RAP1GAP2: variants seen among roughly 807,000 people sequenced by gnomAD.
The protein encoded by RAP1GAP2 is RAP1 GTPase activating protein 2.
Under a neutral mutation model 95.0 loss-of-function variants are expected in RAP1GAP2, and 27 were observed. That is an observed-to-expected ratio of 0.28 (90% confidence interval 0.21 to 0.39). The LOEUF (loss-of-function observed/expected upper bound fraction) is 0.39, where lower values mean the gene tolerates loss of function less well. Among genes scored for constraint, RAP1GAP2 ranks in the 10% least tolerant of loss-of-function variants. RAP1GAP2 has a pLI of 1.00. For synonymous variants in RAP1GAP2, 373 were observed against 380.9 expected (o/e 0.98, Z 0.24); for missense variants, 771 against 970.0 (o/e 0.79, Z 2.72).
At chr17:2,873,526 A>G (rs1180933139) in intron 2 of RAP1GAP2, among the ~76,000 whole-genome samples, 2 of 141,352 alleles carry the variant, frequency 1.4e-5, no homozygotes, top group African/African-American at 2.6e-5. Flanking sequence ...CAGCAGCTGC[A>G]GAAAGGTGTG....
intron 1 of RAP1GAP2, among the ~76,000 whole-genome samples, chr17:2,788,308 T>C (rs2068839331): frequency 6.6e-6 from 1 of 152,142 alleles, no homozygotes; most frequent in African/African-American, 2.4e-5. Context: ...TTTGTTTGTT[T>C]GCTTTGAGAT....
intron 2 of RAP1GAP2, among the ~76,000 whole-genome samples, chr17:2,881,147 G>C (rs1186920011): frequency 6.6e-6 from 1 of 152,080 alleles, no homozygotes; most frequent in African/African-American, 2.4e-5. Context: ...TGTAATCCCA[G>C]CTACTCGGGA....
intron 2 of RAP1GAP2, among the ~76,000 whole-genome samples, chr17:2,900,722 G>A (rs2042000218): frequency 6.6e-6 from 1 of 150,530 alleles, no homozygotes; most frequent in Non-Finnish European, 1.5e-5. Context: ...GATTACAGGT[G>A]AGAGCCACCT....
chr17:2,998,115 G>C, intron 13 of RAP1GAP2, 106 bp from the exon 14 acceptor site: 1 of 1,278,980 alleles, frequency 7.8e-7, no homozygotes, highest in South Asian at 1.3e-5. Context: ...TTCTCACTCA[G>C]AATTCAGTTT....
chr17:2,960,130 A>G (rs2044255925), intron 4 of RAP1GAP2, among the ~76,000 whole-genome samples: 3 of 151,340 alleles, frequency 2.0e-5, no homozygotes, highest in Non-Finnish European at 4.4e-5. Flanking sequence ...TCTCAAAAAA[A>G]AAAAAAAAAA....
At chr17:3,022,447 GA>G (rs1403472615) in intron 19 of RAP1GAP2, among the ~76,000 whole-genome samples, 1 of 152,032 alleles carries the variant, frequency 6.6e-6, no homozygotes, top group African/African-American at 2.4e-5. Flanking sequence ...GGTTGTCTGT[GA>G]AAAAAAGTTT....
intron 3 of RAP1GAP2, among the ~76,000 whole-genome samples, chr17:2,912,541 A>G (rs1251858631): frequency 6.6e-6 from 1 of 152,092 alleles, no homozygotes; most frequent in Non-Finnish European, 1.5e-5. Flanking sequence ...GGAAGGGCTG[A>G]AGGACATCAG....
chr17:2,878,470 G>C (rs1456675215), intron 2 of RAP1GAP2, among the ~76,000 whole-genome samples: 1 of 152,124 alleles, frequency 6.6e-6, no homozygotes, highest in Non-Finnish European at 1.5e-5. Flanking sequence ...GGAAGCCCCT[G>C]TCTGTATGCC....
chr17:3,000,417 GCC>G (rs1233804158), intron 14 of RAP1GAP2, among the ~76,000 whole-genome samples: 33 of 151,888 alleles, frequency 2.2e-4, no homozygotes, highest in African/African-American at 7.2e-4. Flanking sequence ...CAGCCTCAGG[GCC>G]TTCCTGATGC....
At position 3,017,941 on chromosome 17, in the gene RAP1GAP2, G is replaced by GTGTT. The variant is rs2046827538; in HGVS notation, c.1495-117_1495-116insTTGT. On this transcript the variant is annotated intron_variant, in intron 17 of 24. Transcript: ENST00000254695. The stretch of plus-strand genomic sequence containing the variant: ...CGTGTGTGTGTGTGTGTGTGTGTGT[G>GTGTT]TGTGTGTATGTGTGCACGCATACGT... 10 of 817,882 alleles carry GTGTT rather than the reference G, an allele frequency of 1.2e-5. No individual in the cohort carries two copies. The Admixed American group carries it at 2.9e-4, about 24-fold the overall frequency. The allele number at this position is 817,882 out of a possible 1,614,324, so 50.7% of individuals were successfully genotyped here.
At chr17:2,955,510 A>G (rs972948450) in intron 3 of RAP1GAP2, among the ~76,000 whole-genome samples, 3 of 152,194 alleles carry the variant, frequency 2.0e-5, no homozygotes, top group African/African-American at 7.2e-5. Flanking sequence ...TTGTTTTTGT[A>G]GAGACACGTC....
chr17:2,971,166 A>G (rs969821724), intron 8 of RAP1GAP2, among the ~76,000 whole-genome samples: 1 of 152,230 alleles, frequency 6.6e-6, no homozygotes, highest in African/African-American at 2.4e-5. Context: ...TACATTTCAG[A>G]GAGCAAGCTC....
chr17:2,820,694 C>T (rs35264178), intron 2 of RAP1GAP2, among the ~76,000 whole-genome samples: 42,461 of 151,162 alleles, frequency 0.28, 6,187 homozygotes, highest in Non-Finnish European at 0.33. Context: ...CACGTCCTCA[C>T]TGATGTTTGA....
intron 2 of RAP1GAP2, among the ~76,000 whole-genome samples, chr17:2,809,398 G>T (rs558899467): frequency 6.6e-6 from 1 of 152,332 alleles, no homozygotes; most frequent in East Asian, 1.9e-4. Flanking sequence ...TGGGTCCCAT[G>T]GACAGGGCTA....
intron 14 of RAP1GAP2, among the ~76,000 whole-genome samples, chr17:3,000,111 C>A (rs1271542692): frequency 6.6e-6 from 1 of 152,124 alleles, no homozygotes. Flanking sequence ...CCATGCCCAG[C>A]TAATTTTTTG....
chr17:2,774,126 G>T (rs2068448668), upstream of RAP1GAP2, among the ~76,000 whole-genome samples: 1 of 152,144 alleles, frequency 6.6e-6, no homozygotes, highest in Admixed American at 6.5e-5. Context: ...GTTTGCACCT[G>T]GGCAGCAGGG....
intron 2 of RAP1GAP2, among the ~76,000 whole-genome samples, chr17:2,892,947 T>C (rs1299260646): frequency 6.6e-6 from 1 of 152,206 alleles, no homozygotes; most frequent in Non-Finnish European, 1.5e-5. Flanking sequence ...TCTTTTGTTT[T>C]CTGTATCTTT....
chr17:2,923,329 C>T (rs181533108), intron 3 of RAP1GAP2, among the ~76,000 whole-genome samples: 19 of 142,236 alleles, frequency 1.3e-4, no homozygotes, highest in Admixed American at 1.1e-3. Flanking sequence ...TGAGCCACCG[C>T]GCCCGGCCTT....
chr17:2,888,946 G>A (rs1282137659), intron 2 of RAP1GAP2, among the ~76,000 whole-genome samples: 1 of 151,862 alleles, frequency 6.6e-6, no homozygotes, highest in Non-Finnish European at 1.5e-5. Flanking sequence ...ACAGGTGTGA[G>A]CCACCGTGCC....
Sources: gnomAD v4.1 joint callset for allele counts (sites outside exome capture counted in the v4.1 genomes callset) on GRCh38, gnomAD v4.1.1 for gene constraint, MANE v1.5 for transcripts, NCBI Gene and HGNC (gene_info 2026-07-23, HGNC 2026-07-21) for gene names.